Variants in FOXJ2 observed in about 807,000 individuals in gnomAD.
FOXJ2 encodes the protein forkhead box protein J2.
A neutral mutation model predicts 68.4 loss-of-function variants in FOXJ2; 18 were observed. The observed-to-expected ratio is 0.26, with a 90% CI of 0.18 to 0.39. FOXJ2 has a LOEUF of 0.39. Ranked by LOEUF, FOXJ2 falls within the 10% of genes least tolerant of loss-of-function variation. FOXJ2 has a pLI of 1.00. For missense variants in FOXJ2, 670 were observed against 726.5 expected, an observed-to-expected ratio of 0.92 and a Z score of 0.89; for synonymous variants, 274 against 263.2, an observed-to-expected ratio of 1.04 and a Z score of -0.40.
intron 3 of FOXJ2, among the ~76,000 whole-genome samples, chr12:8,043,084 G>A (rs1946986368): frequency 6.6e-6 from 1 of 151,970 alleles, no homozygotes; most frequent in African/African-American, 2.4e-5. Context: ...AGGCGTGGTG[G>A]TACATGCCTG....
At position 8,042,648 on chromosome 12, in the gene FOXJ2, G is replaced by A; in HGVS notation, c.334-10G>A. ...ATGCTCAGGCCTAACTTGCTTCTCT[G>A]CCTCTCCAGAATTCAATACGGCACA... On this transcript the variant is annotated splice_polypyrimidine_tract_variant and intron_variant, in intron 2 of 10. Transcript: ENST00000162391. 1.2e-6 allele frequency: 2 copies of A among 1,613,928 alleles called. No individual in the cohort carries two copies. Among genetic ancestry groups the A allele is most frequent in the Non-Finnish European group, 1.7e-6 (2 of 1,179,866 alleles).
At chr12:8,052,672 G>A in intron 10 of FOXJ2, 90 bp from the exon 11 acceptor site, 3 of 1,108,384 alleles carry the variant, frequency 2.7e-6, no homozygotes, top group Non-Finnish European at 3.9e-6. Context: ...CTTCTTCGTG[G>A]TGTTATCTGG....
intron 1 of FOXJ2, among the ~76,000 whole-genome samples, chr12:8,036,333 C>A (rs1386152511): frequency 6.6e-6 from 1 of 152,212 alleles, no homozygotes; most frequent in Non-Finnish European, 1.5e-5. Flanking sequence ...TATTGTGGAT[C>A]TTACATGTTT....
At chr12:8,050,140 T>G (rs1947096507) in intron 9 of FOXJ2, 1 of 202,444 alleles carries the variant, frequency 4.9e-6, no homozygotes, top group Admixed American at 6.1e-5. Flanking sequence ...CCAGCTAATT[T>G]TTTTTTTGTA....
In FOXJ2 at chr12:8,048,014, C is replaced by T; in HGVS notation, c.950C>T (p.Pro317Leu). The T allele has an allele frequency of 6.2e-7, 1 of 1,614,022 alleles. No individual in the cohort carries two copies. Among genetic ancestry groups the T allele is most frequent in the South Asian group, 1.1e-5 (1 of 91,052 alleles). Residue 317 changes from proline (P) to leucine (L), a missense_variant, in exon 7 of 11, where the codon CCA (proline) becomes CTA (leucine). Physicochemically the swap from Pro to Leu is moderately conservative, Grantham distance 98 (BLOSUM62 -3). Transcript: ENST00000162391. ...PPQPPPQQSQ[P>L]QQQQAPAQGP... is the part of the protein sequence containing the mutation. Reference sequence around the variant, plus strand: ...CAGCCACCTCCCCAGCAGTCCCAGCCACAGCAGCAGCAGGCACCTGCCCAG... The same window carrying T: ...CAGCCACCTCCCCAGCAGTCCCAGCTACAGCAGCAGCAGGCACCTGCCCAG...
chr12:8,040,273 C>G lies in FOXJ2; in HGVS notation c.333+108C>G. On this transcript the variant is annotated intron_variant, in intron 2 of 10. Coordinates refer to ENST00000162391, the MANE Select transcript of FOXJ2 (RefSeq NM_018416.3). This position sits in a 1 kb window ranked among gnomAD's most constrained non-coding sequence, Gnocchi z 4.0. Reference sequence around the variant, plus strand: ...CTGTTCAGTTTACTCTGGTTTGTCTCAGAGATGTGAAAACTTAAAATCTCA... The same window carrying G: ...CTGTTCAGTTTACTCTGGTTTGTCTGAGAGATGTGAAAACTTAAAATCTCA... 8.4e-7 allele frequency: 1 copy of G among 1,193,386 alleles called. No individual in the cohort carries two copies. The highest frequency in any genetic ancestry group is 2.5e-5 in the Admixed American group (1 of 40,436). The allele number at this position is 1,193,386 out of a possible 1,614,324, so 73.9% of individuals were successfully genotyped here.
Position 8,053,266 on chromosome 12 carries a change from C to T in FOXJ2, c.*416C>T, listed in dbSNP as rs1388055581. ...TGGAGAAACTCAATGCTAATCCCAC[C>T]TTTTGGCCCTAAATTGTTTTTTGTT... On this transcript the variant is annotated 3_prime_UTR_variant, in exon 11 of 11. Coordinates refer to ENST00000162391, the MANE Select transcript of FOXJ2 (RefSeq NM_018416.3). This position sits in a 1 kb window ranked among gnomAD's most constrained non-coding sequence, Gnocchi z 4.1. 6.6e-6 allele frequency: 1 copy of T among 152,616 alleles called. No homozygotes were observed. Among genetic ancestry groups the T allele is most frequent in the East Asian group, 1.9e-4 (1 of 5,202 alleles). The allele number at this position is 152,616 out of a possible 1,614,324, so 9.5% of individuals were successfully genotyped here. A position where few individuals can be genotyped will look rare whatever the true frequency, so the allele number is the denominator to read the frequency against.
At position 8,038,795 on chromosome 12, in the gene FOXJ2, G is replaced by A. The variant is rs937371262; in HGVS notation, c.-14-1024G>A. Among the ~76,000 whole-genome samples, 1 of 152,226 alleles carries A rather than the reference G, an allele frequency of 6.6e-6. No homozygotes were observed. The highest frequency in any genetic ancestry group is 6.5e-5 in the Admixed American group (1 of 15,294). On this transcript the variant is annotated intron_variant, in intron 1 of 10. Transcript: ENST00000162391. This position sits in a 1 kb window ranked among gnomAD's most constrained non-coding sequence, Gnocchi z 5.3. Reference sequence around the variant, plus strand: ...GGGCGTGCAAGCATCAGGCGTAGGCGGTCTGGCAGCTCCAGGAGTTTGCAT... The same window carrying A: ...GGGCGTGCAAGCATCAGGCGTAGGCAGTCTGGCAGCTCCAGGAGTTTGCAT...
At chr12:8,048,921 C>T (rs1261803622) in intron 8 of FOXJ2, 123 bp downstream of exon 8, 21 of 719,258 alleles carry the variant, frequency 2.9e-5, no homozygotes, top group South Asian at 2.2e-4. Flanking sequence ...GTTTTTCTTT[C>T]TTTTTACACA....
chr12:8,036,338 A>G (rs184214735), intron 1 of FOXJ2, among the ~76,000 whole-genome samples: 10 of 152,268 alleles, frequency 6.6e-5, no homozygotes, highest in African/African-American at 2.2e-4. Context: ...TGGATCTTAC[A>G]TGTTTCATCC....
chr12:8,051,152 CAG>C (rs1282143968), intron 10 of FOXJ2, among the ~76,000 whole-genome samples: 1 of 95,400 alleles, frequency 1.0e-5, no homozygotes, highest in Non-Finnish European at 2.1e-5. Flanking sequence ...TTCTTTTCAA[CAG>C]AGTCTCGCTC....
chr12:8,045,070 G>T (rs1947017655), intron 6 of FOXJ2, 112 bp downstream of exon 6: 6 of 1,116,676 alleles, frequency 5.4e-6, no homozygotes, highest in South Asian at 3.1e-5. Flanking sequence ...GTGAGACAGG[G>T]TCTCACTCTT....
rs767172035 is a variant in FOXJ2, at chr12:8,048,711, T to C, written c.1240T>C (p.Trp414Arg). 1 of 1,614,142 alleles carries C rather than the reference T, an allele frequency of 6.2e-7. No individual in the cohort carries two copies. Among genetic ancestry groups the C allele is most frequent in the Admixed American group, 1.7e-5 (1 of 60,030 alleles). ...NNTGFAFPSD[W>R]CSNIDSLKES... ...CCTCTTTACAGCCTTTCCTTCTGAC[T>C]GGTGCTCTAATATTGACTCTTTAAA... The change falls in exon 8 of 11, where the codon TGG (tryptophan) becomes CGG (arginine). Residue 414 changes from tryptophan (W) to arginine (R), a missense_variant. By Grantham distance (101) the Trp-to-Arg change is moderately radical. Transcript: ENST00000162391.
intron 1 of FOXJ2, among the ~76,000 whole-genome samples, chr12:8,039,145 T>C (rs766940631): frequency 2.4e-4 from 37 of 152,264 alleles, no homozygotes; most frequent in African/African-American, 7.7e-4. Context: ...TAATGTATGC[T>C]GTATATGTAA....
intron 6 of FOXJ2, among the ~76,000 whole-genome samples, chr12:8,045,356 C>A (rs866495833): frequency 6.6e-6 from 1 of 151,312 alleles, no homozygotes; most frequent in Non-Finnish European, 1.5e-5. Flanking sequence ...GTAGCTCAGA[C>A]TACAGGCGCA....
chr12:8,043,901 G>T, intron 4 of FOXJ2, 50 bp from the exon 5 acceptor site: 1 of 1,570,702 alleles, frequency 6.4e-7, no homozygotes, highest in Non-Finnish European at 8.6e-7. Context: ...TGGGTCTTGG[G>T]AGGATATTGC....
intron 1 of FOXJ2, among the ~76,000 whole-genome samples, chr12:8,039,339 G>A (rs1488272718): frequency 6.6e-6 from 1 of 152,084 alleles, no homozygotes; most frequent in Non-Finnish European, 1.5e-5. Context: ...CTTCATCCGT[G>A]TATGTTTGTA....
Position 8,050,562 on chromosome 12 carries a change from T to C in FOXJ2, c.1578T>C (p.Pro526=). 1.2e-6 allele frequency: 2 copies of C among 1,605,150 alleles called. No homozygotes were observed. Among genetic ancestry groups the C allele is most frequent in the South Asian group, 2.2e-5 (2 of 90,896 alleles). ...ACCCACAAGCTCCCCACCTCTACCC[T>C]GGCCCATCACCAATGTACCCAATCC... ...YGHPQAPHLY[P]GPSPMYPIPT... Residue 526 remains proline (P), a synonymous_variant, in exon 10 of 11, where the codon CCT becomes CCC. Transcript: ENST00000162391.
rs113190918 is a variant in FOXJ2, at chr12:8,049,999, C to T, written c.1537+428C>T. 5.2e-3 allele frequency: 1,033 copies of T among 200,098 alleles called. 13 individuals carry two copies. The highest frequency in any genetic ancestry group is 0.021 in the African/African-American group (927 of 43,218). The allele number at this position is 200,098 out of a possible 1,614,324, so 12.4% of individuals were successfully genotyped here. Reference sequence around the variant, plus strand: ...GCTTTTTGTTTTTGAGATGGGGTCTCGCTCTGTCGCCCAGGCTCTGGAGTG... The same window carrying T: ...GCTTTTTGTTTTTGAGATGGGGTCTTGCTCTGTCGCCCAGGCTCTGGAGTG... On this transcript the variant is annotated intron_variant, in intron 9 of 10. Transcript: ENST00000162391.
Sources: allele counts gnomAD v4.1 joint callset (sites outside exome capture counted in the v4.1 genomes callset), GRCh38; gene constraint gnomAD v4.1.1; non-coding constraint Gnocchi (gnomAD v3.1); transcripts MANE v1.5; gene names NCBI Gene and HGNC (gene_info 2026-07-23, HGNC 2026-07-21).